The following HSPG2 variants were observed in gnomAD, a reference collection of about 807,000 sequenced individuals.
The protein encoded by HSPG2 is heparan sulfate proteoglycan 2.
A neutral mutation model predicts 526.6 loss-of-function variants in HSPG2; 278 were observed. That is an observed-to-expected ratio of 0.53 (90% CI 0.48 to 0.58). HSPG2 has a LOEUF of 0.58. Ranked by LOEUF, HSPG2 falls within the 20% of genes least tolerant of loss-of-function variation. HSPG2 has a pLI of 0.00. For missense variants in HSPG2, 5,354 were observed against 6,099.5 expected (o/e 0.88, Z 4.07); for synonymous variants, 2,465 against 2,555.4 (o/e 0.96, Z 1.07).
chr1:21,879,472 T>C (rs1641336770), intron 17 of HSPG2, among the ~76,000 whole-genome samples: 1 of 152,202 alleles, frequency 6.6e-6, no homozygotes, highest in Non-Finnish European at 1.5e-5. Flanking sequence ...CCTTTTCTTC[T>C]GTCAGCTCCA....
At chr1:21,884,699 T>C in intron 12 of HSPG2, 25 bp from the exon 13 acceptor site, 1 of 1,610,286 alleles carries the variant, frequency 6.2e-7, no homozygotes, top group Non-Finnish European at 8.5e-7. Context: ...GGGCGGGGGC[T>C]GCAGCCGGCT....
intron 71 of HSPG2, 88 bp downstream of exon 71, chr1:21,841,013 G>T: frequency 8.2e-7 from 1 of 1,217,078 alleles, no homozygotes; most frequent in Non-Finnish European, 1.2e-6. Context: ...ATCACCACCT[G>T]CCCATCCACT....
chr1:21,851,092 C>T (rs993476198), intron 55 of HSPG2, among the ~76,000 whole-genome samples: 5 of 151,988 alleles, frequency 3.3e-5, no homozygotes, highest in Non-Finnish European at 7.4e-5. Flanking sequence ...CCTGCCTCAG[C>T]TTCCCGAGTA....
chr1:21,852,663 C>A lies in HSPG2; in HGVS notation c.6724+37G>T, dbSNP rs760681072. The A allele has an allele frequency of 5.5e-5, 89 of 1,612,194 alleles. 1 individual carries two copies. Among genetic ancestry groups the A allele is most frequent in the Non-Finnish European group, 6.2e-5 (73 of 1,179,988 alleles). ...TCTCACCACCCCGGAGGCCTCTCTG[C>A]CTCCTCCAGCTTTCCATGTCACTGG... On this transcript the variant is annotated intron_variant, in intron 52 of 96. Transcript: ENST00000374695.
chr1:21,888,636 T>C (rs1642124724), intron 6 of HSPG2: 1 of 1,356,356 alleles, frequency 7.4e-7, no homozygotes, highest in Non-Finnish European at 9.8e-7. Context: ...TCTAGGAACC[T>C]GGCTGGGCCT....
intron 1 of HSPG2, among the ~76,000 whole-genome samples, chr1:21,900,083 C>G (rs750376282): frequency 2.0e-5 from 3 of 152,216 alleles, no homozygotes; most frequent in Non-Finnish European, 4.4e-5. Context: ...CCCTCCAGCC[C>G]GTCTCCGGCG....
intron 1 of HSPG2, among the ~76,000 whole-genome samples, chr1:21,910,669 A>T (rs1643611587): frequency 6.6e-6 from 1 of 152,158 alleles, no homozygotes; most frequent in Non-Finnish European, 1.5e-5. Context: ...TGCCAAATAA[A>T]TATTTACTGA....
intron 1 of HSPG2, among the ~76,000 whole-genome samples, chr1:21,912,282 C>G (rs1002480): frequency 0.4 from 61,335 of 151,858 alleles, 13,202 homozygotes; most frequent in East Asian, 0.72. Flanking sequence ...AGGCTGCCGT[C>G]AGAATTCAAC....
chr1:21,860,684 G>C (rs1025282894), intron 39 of HSPG2, among the ~76,000 whole-genome samples: 7 of 152,062 alleles, frequency 4.6e-5, no homozygotes, highest in African/African-American at 1.7e-4. Flanking sequence ...GTAGAGGCAG[G>C]ATGTGCTAGC....
chr1:21,900,887 A>C (rs1198815879), intron 1 of HSPG2, among the ~76,000 whole-genome samples: 1 of 152,136 alleles, frequency 6.6e-6, no homozygotes, highest in East Asian at 1.9e-4. Flanking sequence ...TCTGTTAAAA[A>C]AAAAAGTTTA....
At chr1:21,852,063 G>A (rs777224989) in intron 53 of HSPG2, 25 bp downstream of exon 53, 170 of 1,612,576 alleles carry the variant, frequency 1.1e-4, no homozygotes, top group East Asian at 3.3e-4. Flanking sequence ...CCATGGCCCC[G>A]TCCCACATTC....
chr1:21,874,202 G>T lies in HSPG2; in HGVS notation c.3657-191C>A, dbSNP rs539240296. Among the ~76,000 whole-genome samples the T allele has an allele frequency of 1.9e-4, 29 of 152,336 alleles. No individual in the cohort carries two copies. The East Asian group carries it at 2.7e-3, about 14-fold the overall frequency. On this transcript the variant is annotated intron_variant, in intron 28 of 96. Coordinates refer to ENST00000374695, the MANE Select transcript of HSPG2 (RefSeq NM_005529.7). ...GCCTCATTCAACTCTCACACAAGGGGCTGAGGAGGGTGGACTACCCCATTT... is the reference window on the plus strand; with the variant it reads ...GCCTCATTCAACTCTCACACAAGGGTCTGAGGAGGGTGGACTACCCCATTT...
chr1:21,852,942 C>T lies in HSPG2; in HGVS notation c.6568G>A (p.Gly2190Ser). 6.2e-7 allele frequency: 1 copy of T among 1,613,326 alleles called. No homozygotes were observed. Among genetic ancestry groups the T allele is most frequent in the Non-Finnish European group, 8.5e-7 (1 of 1,179,862 alleles). The change falls in exon 51 of 97, where the codon GGC becomes AGC. Residue 2190 changes from glycine to serine, a missense_variant. Transcript: ENST00000374695. Reference sequence around the variant, plus strand: ...ACCTGGTGCCGGGCAGGGAGGCTGCCCCCACGCTTGTGCCACGTGACCTGG... The same window carrying T: ...ACCTGGTGCCGGGCAGGGAGGCTGCTCCCACGCTTGTGCCACGTGACCTGG... ...HAQVTWHKRG[G>S]SLPARHQTHG...
chr1:21,874,123 G>T, intron 28 of HSPG2, 112 bp from the exon 29 acceptor site: 1 of 928,466 alleles, frequency 1.1e-6, no homozygotes, highest in Non-Finnish European at 1.7e-6. Flanking sequence ...GTGAACTCAT[G>T]TGTCCTCAGT....
chr1:21,898,156 C>G lies in HSPG2; in HGVS notation c.64-1846G>C, dbSNP rs563918160. ...GAAGATGACTTGCTTTGGGGAGGCA[C>G]TACCTACCTCTGTGCAATCTATAAG... On this transcript the variant is annotated intron_variant, in intron 1 of 96. Transcript: ENST00000374695. The surrounding 1 kb of genome is among the most constrained non-coding windows in gnomAD (Gnocchi z 4.0). 1.1e-4 allele frequency among the ~76,000 whole-genome samples: 16 copies of G among 152,308 alleles called. No individual in the cohort carries two copies. In the South Asian group the frequency reaches 3.3e-3, roughly 32 times the overall value.
chr1:21,922,081 C>T (rs1225223183), intron 1 of HSPG2, among the ~76,000 whole-genome samples: 3 of 152,170 alleles, frequency 2.0e-5, no homozygotes, highest in Admixed American at 6.5e-5. Context: ...GGGGCTCTCT[C>T]GAAGGAGGAA....
rs1214136923 is a variant in HSPG2 at position 21,904,585 on chromosome 1, C to A, written c.64-8275G>T. 6.6e-6 allele frequency among the ~76,000 whole-genome samples: 1 copy of A among 152,210 alleles called. No homozygotes were observed. The highest frequency in any genetic ancestry group is 1.5e-5 in the Non-Finnish European group (1 of 68,034). On this transcript the variant is annotated intron_variant, in intron 1 of 96. Transcript: ENST00000374695. The surrounding 1 kb of genome is among the most constrained non-coding windows in gnomAD (Gnocchi z 4.4). Reference sequence around the variant, plus strand: ...ACAGACACCCCAAGATTAGGTCTCCCCTGGTGGCTGAATGAGCTGCCTGCC... The same window carrying A: ...ACAGACACCCCAAGATTAGGTCTCCACTGGTGGCTGAATGAGCTGCCTGCC...
At chr1:21,882,188 G>T (rs866862406) in intron 13 of HSPG2, among the ~76,000 whole-genome samples, 2 of 139,572 alleles carry the variant, frequency 1.4e-5, no homozygotes, top group South Asian at 4.6e-4. Context: ...AACCCTGCAG[G>T]CAGGAGAGCT....
chr1:21,887,323 G>T lies in HSPG2; in HGVS notation c.970C>A (p.Pro324Thr), dbSNP rs140560655. The change falls in exon 9 of 97, where the codon CCC becomes ACC. Residue 324 changes from proline (P) to threonine (T), a missense_variant. Transcript: ENST00000374695. The surrounding 1 kb of genome is among the most constrained non-coding windows in gnomAD (Gnocchi z 5.0). ...SDELDCGPPP[P>T]CEPNEFPCGN... ...CAGGGGAACTCGTTGGGCTCACAGG[G>T]TGGCGGGGGGCCTAGGAGACCGGGC... 6.2e-7 allele frequency: 1 copy of T among 1,613,954 alleles called. No individual in the cohort carries two copies. The highest frequency in any genetic ancestry group is 1.1e-5 in the South Asian group (1 of 91,088).
Sources: allele counts gnomAD v4.1 joint callset (sites outside exome capture counted in the v4.1 genomes callset), GRCh38; gene constraint gnomAD v4.1.1; non-coding constraint Gnocchi (gnomAD v3.1); transcripts MANE v1.5; gene names NCBI Gene and HGNC (gene_info 2026-07-23, HGNC 2026-07-21).